Variants in SGCD observed in about 807,000 individuals in gnomAD.
The protein encoded by SGCD is sarcoglycan delta, also known as delta-sarcoglycan.
In SGCD, 18 loss-of-function variants were observed where a neutral mutation model predicts 36.6. The ratio of observed to expected loss-of-function variants is 0.49; its 90% confidence interval spans 0.34 to 0.73. The LOEUF is 0.73. Among genes scored for constraint, SGCD ranks in the 30% least tolerant of loss-of-function variants. The probability of loss-of-function intolerance (pLI) is 0.01; values close to 1 mark genes in which losing one functional copy is unlikely to be tolerated. For synonymous variants in SGCD, 133 were observed against 130.6 expected, an observed-to-expected ratio of 1.02 and a Z score of -0.12; for missense variants, 387 against 346.7, an observed-to-expected ratio of 1.12 and a Z score of -0.92.
the SGCD span, among the ~76,000 whole-genome samples, chr5:155,777,322 C>T: frequency 6.6e-6 from 1 of 150,910 alleles, no homozygotes; most frequent in Admixed American, 6.6e-5. Flanking sequence ...TTTAGCTTTA[C>T]CAAACAATTG....
At chr5:156,193,913 T>C (rs952564669) in intron 3 of SGCD, among the ~76,000 whole-genome samples, 1 of 152,236 alleles carries the variant, frequency 6.6e-6, no homozygotes, top group Non-Finnish European at 1.5e-5. Context: ...ATCCAAGTCC[T>C]GGCCTGCAGC....
At chr5:156,185,267 T>G (rs1008646656) in intron 3 of SGCD, among the ~76,000 whole-genome samples, 4 of 145,868 alleles carry the variant, frequency 2.7e-5, no homozygotes, top group Non-Finnish European at 4.5e-5. Flanking sequence ...CAGGCTGGAG[T>G]GCAGTGGCAC....
At chr5:156,186,565 G>C (rs1353873097) in intron 3 of SGCD, among the ~76,000 whole-genome samples, 1 of 152,116 alleles carries the variant, frequency 6.6e-6, no homozygotes, top group Non-Finnish European at 1.5e-5. Context: ...TGATTGTATT[G>C]CTCCTGAGGC....
chr5:155,996,845 T>A (rs1758556832), intron 1 of SGCD, among the ~76,000 whole-genome samples: 1 of 142,538 alleles, frequency 7.0e-6, no homozygotes. Flanking sequence ...AAATGGTAAA[T>A]CTGATATCTG....
At chr5:156,532,092 A>G (rs944985724) in intron 4 of SGCD, among the ~76,000 whole-genome samples, 5 of 152,138 alleles carry the variant, frequency 3.3e-5, no homozygotes, top group African/African-American at 1.2e-4. Flanking sequence ...CCTGAGTGAT[A>G]AGAGCAAAAC....
intron 3 of SGCD, among the ~76,000 whole-genome samples, chr5:156,417,050 G>A (rs973786154): frequency 2.0e-5 from 3 of 152,234 alleles, no homozygotes; most frequent in East Asian, 3.9e-4. Flanking sequence ...GCAGGAAGTA[G>A]AAGAAAGGAC....
intron 1 of SGCD, among the ~76,000 whole-genome samples, chr5:156,081,481 C>A (rs1049346122): frequency 3.9e-5 from 6 of 152,152 alleles, no homozygotes; most frequent in Non-Finnish European, 8.8e-5. Context: ...CAGCATTGAT[C>A]TCCCTGGAAT....
intron 3 of SGCD, among the ~76,000 whole-genome samples, chr5:156,498,552 T>C (rs190084422): frequency 2.0e-5 from 3 of 152,318 alleles, no homozygotes; most frequent in African/African-American, 7.2e-5. Context: ...CTGCTTTCAG[T>C]TATCATAATT....
chr5:155,833,225 CAA>C, the SGCD span, among the ~76,000 whole-genome samples: 1 of 137,376 alleles, frequency 7.3e-6, no homozygotes, highest in Non-Finnish European at 1.6e-5. Flanking sequence ...GAGAGAATCT[CAA>C]AAAAAAAAAG....
intron 3 of SGCD, among the ~76,000 whole-genome samples, chr5:156,167,042 C>T (rs1372033690): frequency 6.6e-6 from 1 of 152,038 alleles, no homozygotes; most frequent in Non-Finnish European, 1.5e-5. Flanking sequence ...GAGGCCTGAC[C>T]CATTCTCCAA....
Position 156,103,923 on chromosome 5 carries a change from C to A in SGCD, c.-281-13955C>A, listed in dbSNP as rs9313803. Among the ~76,000 whole-genome samples, 287 of 152,188 alleles carry A rather than the reference C, an allele frequency of 1.9e-3. 2 individuals carry two copies. Among genetic ancestry groups the A allele is most frequent in the African/African-American group, 6.6e-3 (273 of 41,540 alleles). ...AATATGGCCCTAATTGCTCTATAAC[C>A]ATTGGCAATTTAGCTGTATTATTTA... On this transcript the variant is annotated intron_variant, in intron 1 of 9. Transcript: ENST00000517913.
intron 3 of SGCD, among the ~76,000 whole-genome samples, chr5:156,446,466 T>A (rs1753759518): frequency 6.6e-6 from 1 of 151,828 alleles, no homozygotes; most frequent in South Asian, 2.1e-4. Context: ...GAAGCAGGGG[T>A]CTAGAAACTC....
intron 3 of SGCD, among the ~76,000 whole-genome samples, chr5:156,440,504 C>CA (rs777444713): frequency 6.6e-5 from 10 of 152,142 alleles, no homozygotes; most frequent in Non-Finnish European, 1.5e-4. Flanking sequence ...GGTTATATGG[C>CA]AACTCCAGGT....
the SGCD span, among the ~76,000 whole-genome samples, chr5:155,738,592 G>C: frequency 6.6e-6 from 1 of 152,154 alleles, no homozygotes; most frequent in Non-Finnish European, 1.5e-5. Context: ...TAATGATTAA[G>C]AAGCTAGATT....
intron 4 of SGCD, among the ~76,000 whole-genome samples, chr5:156,556,477 G>A (rs1759025829): frequency 6.6e-6 from 1 of 152,078 alleles, no homozygotes; most frequent in Non-Finnish European, 1.5e-5. Flanking sequence ...GATCTCTAAT[G>A]CATGTCTAAA....
the SGCD span, among the ~76,000 whole-genome samples, chr5:155,750,769 A>T: frequency 2.0e-5 from 3 of 152,344 alleles, no homozygotes; most frequent in East Asian, 1.9e-4. Context: ...CCTTGGCCAA[A>T]GTTACTTGGG....
intron 1 of SGCD, among the ~76,000 whole-genome samples, chr5:155,875,312 TTAAG>T (rs1185661646): frequency 5.9e-5 from 9 of 152,148 alleles, no homozygotes; most frequent in African/African-American, 1.9e-4. Context: ...GTAGAATTAA[TTAAG>T]TAATTCCATA....
chr5:156,097,606 G>GT (rs148753107), intron 1 of SGCD, among the ~76,000 whole-genome samples: 26,073 of 151,972 alleles, frequency 0.17, 2,994 homozygotes, highest in Non-Finnish European at 0.25. Flanking sequence ...GAGATTTCCT[G>GT]TTTTTTCATT....
intron 3 of SGCD, among the ~76,000 whole-genome samples, chr5:156,448,720 T>C (rs1306027276): frequency 7.0e-6 from 1 of 143,264 alleles, no homozygotes; most frequent in Non-Finnish European, 1.5e-5. Flanking sequence ...GAGAAGTTTC[T>C]TTTTCTTTTT....
Sources: gnomAD v4.1 joint callset for allele counts (sites outside exome capture counted in the v4.1 genomes callset) on GRCh38, gnomAD v4.1.1 for gene constraint, MANE v1.5 for transcripts, NCBI Gene and HGNC (gene_info 2026-07-23, HGNC 2026-07-21) for gene names.